Variants in DRC4 observed in about 807,000 individuals in gnomAD.
The protein encoded by DRC4 is dynein regulatory complex subunit 4.
At chr16:90,020,204 C>T in the DRC4 span, 1 of 489,922 alleles carries the variant, frequency 2.0e-6, no homozygotes, top group Non-Finnish European at 3.6e-6. Context: ...TTTGCAGGAG[C>T]ATTGACTCAT....
the DRC4 span, chr16:90,036,858 T>C: frequency 2.3e-5 from 14 of 604,818 alleles, no homozygotes; most frequent in African/African-American, 2.2e-4. Flanking sequence ...AAAGCTCAGA[T>C]GGAACCGCAG....
chr16:90,031,995 G>A, the DRC4 span, among the ~76,000 whole-genome samples: 7 of 151,936 alleles, frequency 4.6e-5, no homozygotes, highest in Non-Finnish European at 1.0e-4. Flanking sequence ...GAGCAGGTAG[G>A]TGCAAGTGAC....
chr16:90,029,386 GT>G, the DRC4 span: 4 of 1,109,358 alleles, frequency 3.6e-6, no homozygotes, highest in African/African-American at 1.6e-5. Context: ...GTTCAGTGCT[GT>G]TTTTTTCTGA....
chr16:90,037,914 C>G, the DRC4 span: 1 of 1,418,634 alleles, frequency 7.0e-7, no homozygotes, highest in Non-Finnish European at 1.0e-6. Context: ...ACCAAGTTCA[C>G]CAAGGTGAGC....
chr16:90,030,325 T>C, the DRC4 span, among the ~76,000 whole-genome samples: 1 of 152,142 alleles, frequency 6.6e-6, no homozygotes, highest in Non-Finnish European at 1.5e-5. Context: ...ACTCTAATTT[T>C]TCAACCATTT....
chr16:90,022,746 GC>G, the DRC4 span: 1 of 1,397,998 alleles, frequency 7.2e-7, no homozygotes, highest in Non-Finnish European at 9.4e-7. Context: ...CGGGAGCGGG[GC>G]TGGGGTCCTC....
chr16:90,026,220 G>C, the DRC4 span, among the ~76,000 whole-genome samples: 2 of 152,162 alleles, frequency 1.3e-5, no homozygotes, highest in South Asian at 4.1e-4. Flanking sequence ...TTTGTTACCT[G>C]CTTGAGTGCC....
chr16:90,035,678 C>G, the DRC4 span: 1 of 1,614,152 alleles, frequency 6.2e-7, no homozygotes, highest in Non-Finnish European at 8.5e-7. Flanking sequence ...TTTTGAGAGG[C>G]AAGTTCGAGG....
At chr16:90,043,110 C>T in the DRC4 span, 226 of 1,438,652 alleles carry the variant, frequency 1.6e-4, no homozygotes, top group African/African-American at 2.0e-3. Flanking sequence ...GTGATGCTCA[C>T]GCTGCCCCTC....
At chr16:90,032,640 G>A in the DRC4 span, 4 of 1,356,146 alleles carry the variant, frequency 2.9e-6, no homozygotes, top group East Asian at 9.2e-5. Flanking sequence ...TGTGCTATGG[G>A]TGACCAGGTG....
the DRC4 span, chr16:90,020,279 C>T: frequency 7.4e-5 from 30 of 406,628 alleles, no homozygotes; most frequent in Non-Finnish European, 1.1e-4. Context: ...GAGTCCAAGG[C>T]TGCCGTGAGC....
chr16:90,033,969 CGCCTCG>C, the DRC4 span, among the ~76,000 whole-genome samples: 1 of 151,542 alleles, frequency 6.6e-6, no homozygotes, highest in Non-Finnish European at 1.5e-5. Flanking sequence ...AGAGCTTGTC[CGCCTCG>C]AAAGCCGTGG....
At chr16:90,030,708 C>T in the DRC4 span, among the ~76,000 whole-genome samples, 1 of 152,096 alleles carries the variant, frequency 6.6e-6, no homozygotes, top group East Asian at 1.9e-4. Flanking sequence ...CCTCAACCCC[C>T]TGAGCTTGAG....
chr16:90,021,939 GTGGTTTCACGGA>G, the DRC4 span: 2 of 151,882 alleles, frequency 1.3e-5, no homozygotes, highest in East Asian at 3.9e-4. Context: ...AGGTAACAGG[GTGGTTTCACGGA>G]TGGCAGATTC....
chr16:90,044,559 G>A, the DRC4 span: 9 of 471,214 alleles, frequency 1.9e-5, no homozygotes, highest in Non-Finnish European at 3.5e-5. Flanking sequence ...CCTCAGTGTC[G>A]AAGGTGAGCT....
the DRC4 span, chr16:90,033,044 G>A: frequency 9.7e-7 from 1 of 1,033,724 alleles, no homozygotes; most frequent in South Asian, 1.6e-5. Context: ...AAGACTTTCT[G>A]CATTTTTGCA....
chr16:90,026,359 T>C, the DRC4 span, among the ~76,000 whole-genome samples: 3 of 152,128 alleles, frequency 2.0e-5, no homozygotes, highest in Admixed American at 6.5e-5. Flanking sequence ...CACGACGCCA[T>C]GTGCAGTTCC....
chr16:90,027,710 G>C, the DRC4 span: 1 of 1,614,158 alleles, frequency 6.2e-7, no homozygotes, highest in Non-Finnish European at 8.5e-7. Context: ...CAGAGGACAT[G>C]AGCAAGGAGC....
the DRC4 span, chr16:90,028,034 T>C: frequency 2.8e-6 from 1 of 357,652 alleles, no homozygotes; most frequent in Non-Finnish European, 5.2e-6. Context: ...TTTTTGCACC[T>C]GATGTGTATA....
Sources: allele counts gnomAD v4.1 joint callset (sites outside exome capture counted in the v4.1 genomes callset), GRCh38; gene constraint gnomAD v4.1.1; transcripts MANE v1.5; gene names NCBI Gene and HGNC (gene_info 2026-07-23, HGNC 2026-07-21).